Variants in ANK3 observed in about 807,000 individuals in gnomAD.
ANK3 encodes the protein ankyrin-3.
A neutral mutation model predicts 370.9 loss-of-function variants in ANK3; 57 were observed. The ratio of observed to expected loss-of-function variants is 0.15; its 90% CI spans 0.12 to 0.19. The LOEUF (loss-of-function observed/expected upper bound fraction) is 0.19, where lower values mean the gene tolerates loss of function less well. Ranked by LOEUF, ANK3 falls within the 10% of genes least tolerant of loss-of-function variation. The probability of loss-of-function intolerance (pLI) is 1.00; values close to 1 mark genes in which losing one functional copy is unlikely to be tolerated. For missense variants in ANK3, 4,439 were observed against 5,302.1 expected (o/e 0.84, Z 5.06); for synonymous variants, 1,929 against 1,946.3 (o/e 0.99, Z 0.23).
chr10:60,059,807 A>C (rs151278674), intron 40 of ANK3: 1 of 1,614,256 alleles, frequency 6.2e-7, no homozygotes, highest in Non-Finnish European at 8.5e-7. Context: ...CGTCTTCTGC[A>C]GTTACGACTG....
At chr10:60,252,766 AT>A (rs1204366028) in intron 7 of ANK3, among the ~76,000 whole-genome samples, 1 of 152,212 alleles carries the variant, frequency 6.6e-6, no homozygotes, top group Admixed American at 6.5e-5. Flanking sequence ...AACATAATTC[AT>A]TCTGAGAAGC....
intron 2 of ANK3, among the ~76,000 whole-genome samples, chr10:60,395,160 A>AAC (rs1397965581): frequency 6.6e-6 from 1 of 152,246 alleles, no homozygotes; most frequent in Non-Finnish European, 1.5e-5. Context: ...TTTATGATAT[A>AAC]ACATACAGAT....
intron 43 of ANK3, among the ~76,000 whole-genome samples, chr10:60,032,406 C>G (rs2073895499): frequency 1.3e-5 from 2 of 151,736 alleles, no homozygotes; most frequent in Non-Finnish European, 2.9e-5. Flanking sequence ...TGGAGTTTCA[C>G]CATGTTGGCC....
chr10:60,292,056 T>A (rs1272935023), intron 1 of ANK3, among the ~76,000 whole-genome samples: 2 of 152,192 alleles, frequency 1.3e-5, no homozygotes, highest in Admixed American at 6.5e-5. Flanking sequence ...TTATTCAACT[T>A]TATTTCATTA....
At chr10:60,258,768 T>C (rs544113300) in intron 7 of ANK3, among the ~76,000 whole-genome samples, 29 of 152,314 alleles carry the variant, frequency 1.9e-4, no homozygotes, top group Admixed American at 1.8e-3. Flanking sequence ...CAAGACTTTA[T>C]CTGTCATACT....
intron 1 of ANK3, among the ~76,000 whole-genome samples, chr10:60,301,713 G>C (rs1445032981): frequency 2.0e-5 from 3 of 151,932 alleles, no homozygotes; most frequent in African/African-American, 7.3e-5. Flanking sequence ...CACTGTACCC[G>C]GCCCAGATAA....
At position 60,073,625 on chromosome 10, in the gene ANK3, T is replaced by A. The variant is rs1402770380; in HGVS notation, c.7256A>T (p.Glu2419Val). 6.2e-7 allele frequency: 1 copy of A among 1,613,834 alleles called. No homozygotes were observed. Among genetic ancestry groups the A allele is most frequent in the Non-Finnish European group, 8.5e-7 (1 of 1,179,982 alleles). ...AGCAGAACTAGGGCGGCTATCTTCT[T>A]CTTGGGACACAGGAGTGTTTACTCT... ...SSRVNTPVSQEEDSRPSSAQL... is the reference protein window; with the variant it reads ...SSRVNTPVSQVEDSRPSSAQL... Residue 2419 changes from glutamate (E) to valine (V), a missense_variant, in exon 37 of 44, where the codon GAA becomes GTA. Glu to Val is a moderately radical substitution (Grantham distance 121, BLOSUM62 -2). Transcript: ENST00000280772.
At chr10:60,649,023 C>A (rs2078751339) in intron 1 of ANK3, among the ~76,000 whole-genome samples, 1 of 152,110 alleles carries the variant, frequency 6.6e-6, no homozygotes, top group Non-Finnish European at 1.5e-5. Flanking sequence ...TTCCATGCAT[C>A]AGCGAGTATA....
intron 2 of ANK3, among the ~76,000 whole-genome samples, chr10:60,482,196 A>G (rs999199216): frequency 3.3e-5 from 5 of 152,170 alleles, no homozygotes; most frequent in Non-Finnish European, 7.3e-5. Flanking sequence ...CTCAAATGGC[A>G]AAGCTCTACC....
At chr10:60,119,721 G>A (rs1004594247) in intron 25 of ANK3, among the ~76,000 whole-genome samples, 15 of 152,118 alleles carry the variant, frequency 9.9e-5, no homozygotes, top group Non-Finnish European at 7.4e-5. Context: ...GCAGTGAGCC[G>A]AGATCGTGCC....
intron 2 of ANK3, among the ~76,000 whole-genome samples, chr10:60,396,325 CA>C (rs1321900619): frequency 6.6e-6 from 1 of 152,138 alleles, no homozygotes; most frequent in Non-Finnish European, 1.5e-5. Flanking sequence ...AGTGAGGAGC[CA>C]GCTGAATCAG....
chr10:60,354,770 A>C (rs2057457010), intron 1 of ANK3, among the ~76,000 whole-genome samples: 1 of 152,216 alleles, frequency 6.6e-6, no homozygotes, highest in Admixed American at 6.5e-5. Flanking sequence ...TTTTAGAAGA[A>C]CTACCCCCCT....
chr10:60,633,897 A>G (rs192721713), intron 1 of ANK3, among the ~76,000 whole-genome samples: 2 of 152,330 alleles, frequency 1.3e-5, no homozygotes, highest in African/African-American at 2.4e-5. Context: ...CCTAAGAAAT[A>G]TTGCCAATGC....
At position 60,262,046 on chromosome 10, in the gene ANK3, G is replaced by A; in HGVS notation, c.700-89C>T. 3 of 1,099,350 alleles carry A rather than the reference G, an allele frequency of 2.7e-6. No individual in the cohort carries two copies. In the South Asian group the frequency reaches 4.0e-5, roughly 15 times the overall value. 68.1% of individuals were successfully genotyped at this position (1,099,350 alleles called of 1,614,324 possible). ...ATCATAACCCTGCCCAAATAAAAAT[G>A]AGGAAGCAAAATATGCTGAGGTCTA... is the stretch of plus-strand genomic sequence containing the variant. On this transcript the variant is annotated intron_variant, in intron 6 of 43. Coordinates refer to ENST00000280772, the MANE Select transcript of ANK3 (RefSeq NM_020987.5).
Position 60,532,413 on chromosome 10 carries a change from G to C in ANK3, c.96+82773C>G, listed in dbSNP as rs72820993. 5.7e-3 allele frequency among the ~76,000 whole-genome samples: 865 copies of C among 152,282 alleles called. 4 individuals carry two copies. The highest frequency in any genetic ancestry group is 0.01 in the Middle Eastern group (3 of 294). On this transcript the variant is annotated intron_variant, in intron 2 of 43. Transcript: ENST00000373827. ...ATCTAAATTGAGTGGCAAGGGTCCA[G>C]GGCAGGCAAGAGCCGAGTTCATGAG...
chr10:60,332,065 G>A (rs963189904), intron 1 of ANK3, among the ~76,000 whole-genome samples: 7 of 151,144 alleles, frequency 4.6e-5, no homozygotes, highest in East Asian at 3.9e-4. Flanking sequence ...TCTTTTTGTC[G>A]CGGTTTAAGC....
At chr10:60,522,097 G>A (rs2076361429) in intron 2 of ANK3, among the ~76,000 whole-genome samples, 1 of 152,070 alleles carries the variant, frequency 6.6e-6, no homozygotes, top group Non-Finnish European at 1.5e-5. Context: ...GAAAATGTGA[G>A]CAGTTTTCAG....
chr10:60,257,483 T>C (rs976119603), intron 7 of ANK3, among the ~76,000 whole-genome samples: 1 of 152,182 alleles, frequency 6.6e-6, no homozygotes, highest in East Asian at 1.9e-4. Flanking sequence ...TGAAGTATAG[T>C]AACTAAAGAT....
intron 28 of ANK3, among the ~76,000 whole-genome samples, chr10:60,100,036 A>G (rs2132063901): frequency 6.6e-6 from 1 of 152,272 alleles, no homozygotes; most frequent in Non-Finnish European, 1.5e-5. Context: ...CCATATATGC[A>G]AATGCATTAA....
Sources: gnomAD v4.1 joint callset for allele counts (sites outside exome capture counted in the v4.1 genomes callset) on GRCh38, gnomAD v4.1.1 for gene constraint, MANE v1.5 for transcripts, NCBI Gene and HGNC (gene_info 2026-07-23, HGNC 2026-07-21) for gene names.